LTBP1: variants seen among roughly 807,000 people sequenced by gnomAD.
LTBP1 encodes latent-transforming growth factor beta-binding protein 1.
A neutral mutation model predicts 207.6 loss-of-function variants in LTBP1; 129 were observed. The observed-to-expected ratio is 0.62, with a 90% CI of 0.54 to 0.72. LTBP1 has a LOEUF of 0.72. Among genes scored for constraint, LTBP1 ranks in the 30% least tolerant of loss-of-function variants. LTBP1 has a pLI of 0.00. For missense variants in LTBP1, 2,281 were observed against 2,217.2 expected (o/e 1.03, Z -0.58); for synonymous variants, 963 against 833.7 (o/e 1.16, Z -2.67).
At chr2:33,034,187 A>G (rs1005841434) in intron 3 of LTBP1, among the ~76,000 whole-genome samples, 6 of 151,870 alleles carry the variant, frequency 4.0e-5, no homozygotes, top group Non-Finnish European at 7.4e-5. Flanking sequence ...GCAAATCTAC[A>G]GAGTTAGAAG....
In LTBP1 at chr2:33,182,724, A is replaced by T. The variant is rs2086786933; in HGVS notation, c.1202-4132A>T. Among the ~76,000 whole-genome samples the T allele has an allele frequency of 1.8e-5, 2 of 111,502 alleles. 1 individual carries two copies. The highest frequency in any genetic ancestry group is 3.8e-5 in the Non-Finnish European group (2 of 52,338). The allele number at this position is 111,502 out of a possible 152,430, so 73.1% of individuals were successfully genotyped here. ...TACACACACACACACACACACACAC[A>T]CACACACACACAGACATATATATGT... On this transcript the variant is annotated intron_variant, in intron 5 of 33. Coordinates refer to ENST00000404816, the MANE Select transcript of LTBP1 (RefSeq NM_206943.4).
chr2:33,262,437 A>G (rs943734227), intron 13 of LTBP1, among the ~76,000 whole-genome samples: 7 of 152,126 alleles, frequency 4.6e-5, no homozygotes, highest in Admixed American at 2.0e-4. Context: ...TTTACTTACA[A>G]GATCAGACTT....
chr2:33,389,132 G>A, intron 31 of LTBP1, 52 bp from the exon 32 acceptor site: 2 of 1,609,518 alleles, frequency 1.2e-6, no homozygotes, highest in South Asian at 1.1e-5. Flanking sequence ...AGGGGGTGGG[G>A]CAGGTGCGAG....
rs200476544 is a variant in LTBP1, at chr2:33,046,970, AT to A, written c.863+25770del. Among the ~76,000 whole-genome samples the A allele has an allele frequency of 7.0e-3, 1,069 of 151,878 alleles. 61 individuals are homozygous for A. The East Asian group carries it at 0.13, about 19-fold the overall frequency. ...GATCATTGGTGATATCCCTTTTATCATTTTTTATTGTGTCTATTTGATTCTT... is the reference window on the plus strand; with the variant it reads ...GATCATTGGTGATATCCCTTTTATCATTTTTATTGTGTCTATTTGATTCTT... On this transcript the variant is annotated intron_variant, in intron 3 of 33. Transcript: ENST00000404816.
intron 7 of LTBP1, among the ~76,000 whole-genome samples, chr2:33,196,570 A>G (rs17641180): frequency 0.44 from 66,377 of 151,998 alleles, 15,068 homozygotes; most frequent in Non-Finnish European, 0.5. Context: ...TTTGTGAGGA[A>G]TCAAGCATCA....
chr2:33,243,566 A>T, intron 9 of LTBP1, 96 bp from the exon 10 acceptor site: 1 of 1,122,812 alleles, frequency 8.9e-7, no homozygotes, highest in Non-Finnish European at 1.3e-6. Flanking sequence ...TAACTAAAAG[A>T]TTACTATAGT....
chr2:33,011,937 C>T (rs189796674), intron 2 of LTBP1, among the ~76,000 whole-genome samples: 27 of 152,138 alleles, frequency 1.8e-4, no homozygotes, highest in Admixed American at 5.9e-4. Flanking sequence ...TATTTCTCTC[C>T]GATTTCAGGT....
chr2:33,179,246 T>A (rs2086380640), intron 5 of LTBP1, among the ~76,000 whole-genome samples: 1 of 152,200 alleles, frequency 6.6e-6, no homozygotes, highest in African/African-American at 2.4e-5. Context: ...GTATTTAATG[T>A]GTGACTCATG....
intron 2 of LTBP1, among the ~76,000 whole-genome samples, chr2:33,015,339 G>C (rs995156548): frequency 1.3e-5 from 2 of 152,212 alleles, no homozygotes; most frequent in Non-Finnish European, 2.9e-5. Context: ...GTCTGCAAGT[G>C]TAGATGTTAC....
At chr2:33,393,723 G>C (rs1467573123) in intron 32 of LTBP1, among the ~76,000 whole-genome samples, 1 of 152,136 alleles carries the variant, frequency 6.6e-6, no homozygotes, top group Non-Finnish European at 1.5e-5. Context: ...CCAAGTCTTT[G>C]CTATTGTGAA....
intron 7 of LTBP1, among the ~76,000 whole-genome samples, chr2:33,206,799 T>C (rs1573180829): frequency 6.6e-6 from 1 of 151,326 alleles, no homozygotes; most frequent in African/African-American, 2.4e-5. Flanking sequence ...ATTTTGGGGG[T>C]GATCAGGTTG....
chr2:33,174,359 A>G (rs2085793045), intron 5 of LTBP1, among the ~76,000 whole-genome samples: 2 of 152,142 alleles, frequency 1.3e-5, no homozygotes, highest in Admixed American at 6.6e-5. Flanking sequence ...TTATACACCA[A>G]TAACAGACAA....
chr2:33,170,103 C>A (rs2085281256), intron 5 of LTBP1, among the ~76,000 whole-genome samples: 1 of 152,206 alleles, frequency 6.6e-6, no homozygotes. Flanking sequence ...TTCTGCATTT[C>A]CATCTGAGGT....
At chr2:33,091,169 T>C (rs1180643932) in intron 3 of LTBP1, among the ~76,000 whole-genome samples, 1 of 152,182 alleles carries the variant, frequency 6.6e-6, no homozygotes, top group Admixed American at 6.5e-5. Context: ...TGTGTATGTA[T>C]GTGTGTGCAT....
At chr2:33,282,677 A>C (rs1573601517) in intron 19 of LTBP1, among the ~76,000 whole-genome samples, 1 of 152,338 alleles carries the variant, frequency 6.6e-6, no homozygotes, top group South Asian at 2.1e-4. Flanking sequence ...AGTTGAGCTC[A>C]TCACTAACAT....
chr2:33,355,139 GC>G (rs2094841681), intron 26 of LTBP1, among the ~76,000 whole-genome samples: 1 of 151,832 alleles, frequency 6.6e-6, no homozygotes, highest in Non-Finnish European at 1.5e-5. Flanking sequence ...ATTTATCCTC[GC>G]AGGCCCTCAT....
At chr2:33,324,848 T>A (rs571289907) in intron 24 of LTBP1, among the ~76,000 whole-genome samples, 3 of 152,052 alleles carry the variant, frequency 2.0e-5, no homozygotes, top group African/African-American at 7.2e-5. Context: ...ACTACAGGCA[T>A]GTGCCACCAC....
intron 3 of LTBP1, among the ~76,000 whole-genome samples, chr2:33,085,817 G>A (rs969587667): frequency 2.0e-5 from 3 of 152,192 alleles, no homozygotes; most frequent in African/African-American, 7.2e-5. Context: ...TTGGCCCTGT[G>A]TTGTATGGAT....
intron 9 of LTBP1, among the ~76,000 whole-genome samples, chr2:33,225,111 T>TA (rs1461515054): frequency 1.3e-5 from 2 of 152,188 alleles, no homozygotes; most frequent in African/African-American, 2.4e-5. Context: ...GTTCAAGTTT[T>TA]AAAAAAATTT....
Sources: allele counts gnomAD v4.1 joint callset (sites outside exome capture counted in the v4.1 genomes callset), GRCh38; gene constraint gnomAD v4.1.1; transcripts MANE v1.5; gene names NCBI Gene and HGNC (gene_info 2026-07-23, HGNC 2026-07-21).